The following RANBP2 variants were observed in gnomAD, a reference collection of about 807,000 sequenced individuals.
The protein encoded by RANBP2 is E3 SUMO-protein ligase RanBP2.
RANBP2 carries 57 observed loss-of-function variants against 303.6 expected under a neutral mutation model. The ratio of observed to expected loss-of-function variants is 0.19; its 90% confidence interval spans 0.15 to 0.23. RANBP2 has a LOEUF of 0.23. RANBP2 is among the 10% of genes least tolerant of loss of function. The pLI is 1.00. For synonymous variants in RANBP2, 1,167 were observed against 1,301.5 expected, an observed-to-expected ratio of 0.90 and a Z score of 2.23; for missense variants, 3,138 against 3,780.8, an observed-to-expected ratio of 0.83 and a Z score of 4.46.
At chr2:109,364,427 T>C in the RANBP2 span, among the ~76,000 whole-genome samples, 1 of 152,276 alleles carries the variant, frequency 6.6e-6, no homozygotes, top group South Asian at 2.1e-4. Context: ...AGTTGTTTTG[T>C]ATCCGTGATC....
Position 108,736,225 on chromosome 2 carries a change from A to T in RANBP2, c.758A>T (p.Gln253Leu). ...MLLTLSTRDV[Q>L]ESRELLQSFD... ...CTTACGCTTTCCACTAGAGATGTGC[A>T]GGAAAGTAGAGAATTACTGCAAAGG... is the stretch of plus-strand genomic sequence containing the variant. The change falls in exon 6 of 29, where the codon CAG (glutamine) becomes CTG (leucine). Residue 253 changes from glutamine to leucine, a missense_variant. By Grantham distance (113) the Gln-to-Leu change is moderately radical (BLOSUM62 -2). Coordinates refer to ENST00000283195, the MANE Select transcript of RANBP2 (RefSeq NM_006267.5). The T allele has an allele frequency of 6.2e-7, 1 of 1,611,998 alleles. No individual in the cohort carries two copies. The highest frequency in any genetic ancestry group is 8.5e-7 in the Non-Finnish European group (1 of 1,179,844).
chr2:109,348,084 C>A, the RANBP2 span: 1 of 1,236,102 alleles, frequency 8.1e-7, no homozygotes, highest in Non-Finnish European at 1.1e-6. Context: ...GAACCCTGGG[C>A]AAATGACCCA....
the RANBP2 span, chr2:108,907,928 C>G: frequency 5.0e-6 from 8 of 1,613,676 alleles, no homozygotes; most frequent in South Asian, 1.1e-5. Context: ...AGGCACAGCT[C>G]CGGGGAGCCC....
At chr2:109,193,364 T>C in the RANBP2 span, among the ~76,000 whole-genome samples, 174 of 152,360 alleles carry the variant, frequency 1.1e-3, no homozygotes, top group Middle Eastern at 3.4e-3. Context: ...ATATTCAACA[T>C]ATAATGTGTA....
chr2:109,403,495 G>A, the RANBP2 span, among the ~76,000 whole-genome samples: 19,219 of 152,248 alleles, frequency 0.13, 1,417 homozygotes, highest in East Asian at 0.29. Context: ...GCCTTCCAGG[G>A]CCCCACTCTT....
the RANBP2 span, among the ~76,000 whole-genome samples, chr2:109,755,320 A>G: frequency 1.5e-5 from 2 of 136,650 alleles, no homozygotes; most frequent in Non-Finnish European, 3.1e-5. Flanking sequence ...AGAGTAAGCA[A>G]TAATTATGAT....
At chr2:109,618,584 T>C in the RANBP2 span, 2 of 167,074 alleles carry the variant, frequency 1.2e-5, no homozygotes, top group African/African-American at 4.8e-5. Flanking sequence ...CATTTTCGGC[T>C]ACTTAACTTT....
chr2:109,660,278 T>C, the RANBP2 span, among the ~76,000 whole-genome samples: 1 of 152,168 alleles, frequency 6.6e-6, no homozygotes, highest in Non-Finnish European at 1.5e-5. Flanking sequence ...ATCAGGCTGA[T>C]TGTAGGCCAA....
chr2:109,020,556 C>T, the RANBP2 span, among the ~76,000 whole-genome samples: 1 of 152,146 alleles, frequency 6.6e-6, no homozygotes, highest in Non-Finnish European at 1.5e-5. Context: ...AGAGAGAATA[C>T]CACAAGCTGA....
At position 108,763,385 on chromosome 2, in the gene RANBP2, C is replaced by T. The variant is rs1676878657; in HGVS notation, c.2846C>T (p.Pro949Leu). Residue 949 changes from proline to leucine, a missense_variant, in exon 20 of 29, where the codon CCT becomes CTT. This residue lies in a region of RANBP2 where 403 missense variants were observed against 376.7 expected (regional missense o/e 1.07). Transcript: ENST00000283195. Reference protein sequence around the residue: ...YGPPALRFESPATGILSPRGD... With the variant: ...YGPPALRFESLATGILSPRGD... ...CCTCCTGCATTGCGTTTTGAGTCTC[C>T]TGCAACGGGAATTCTATCGCCCAGG... 7 of 1,613,928 alleles carry T rather than the reference C, an allele frequency of 4.3e-6. No individual in the cohort carries two copies. Among genetic ancestry groups the T allele is most frequent in the South Asian group, 1.1e-5 (1 of 91,074 alleles).
At chr2:108,894,364 C>G in the RANBP2 span, 1 of 152,546 alleles carries the variant, frequency 6.6e-6, no homozygotes, top group Admixed American at 6.6e-5. Flanking sequence ...ACAGTCTCAT[C>G]ATACATAGGG....
At chr2:109,313,623 T>C in the RANBP2 span, 1 of 154,898 alleles carries the variant, frequency 6.5e-6, no homozygotes, top group Non-Finnish European at 1.5e-5. Flanking sequence ...CGGCCAGCAG[T>C]GGGGCTCACT....
the RANBP2 span, among the ~76,000 whole-genome samples, chr2:109,231,260 TCTACAG>T: frequency 6.6e-6 from 1 of 152,250 alleles, no homozygotes; most frequent in Non-Finnish European, 1.5e-5. Flanking sequence ...TGCTCTTTCT[TCTACAG>T]CTGAGAGGAA....
At chr2:108,911,089 G>C in the RANBP2 span, 1 of 1,614,026 alleles carries the variant, frequency 6.2e-7, no homozygotes, top group South Asian at 1.1e-5. Context: ...GTGGAGAGAA[G>C]GCATGAATGA....
chr2:108,853,875 TA>T, the RANBP2 span, among the ~76,000 whole-genome samples: 1 of 125,286 alleles, frequency 8.0e-6, no homozygotes, highest in Non-Finnish European at 1.6e-5. Flanking sequence ...ATATATACTA[TA>T]TAATATATTA....
At chr2:109,423,119 G>A in the RANBP2 span, among the ~76,000 whole-genome samples, 8 of 152,174 alleles carry the variant, frequency 5.3e-5, no homozygotes, top group African/African-American at 2.4e-5. Flanking sequence ...TACCCTGTGA[G>A]GTGCATGACC....
At chr2:109,454,119 A>G in the RANBP2 span, among the ~76,000 whole-genome samples, 3 of 152,226 alleles carry the variant, frequency 2.0e-5, no homozygotes, top group African/African-American at 7.2e-5. Flanking sequence ...GTGAGATAAG[A>G]GAGAGAAGAA....
chr2:109,526,804 G>C, the RANBP2 span, among the ~76,000 whole-genome samples: 2 of 152,216 alleles, frequency 1.3e-5, no homozygotes, highest in East Asian at 3.9e-4. Flanking sequence ...CCTCAGCCTG[G>C]TGAATTCCTA....
chr2:109,661,781 C>T, the RANBP2 span, among the ~76,000 whole-genome samples: 72 of 152,314 alleles, frequency 4.7e-4, no homozygotes, highest in Non-Finnish European at 8.5e-4. Flanking sequence ...ACAGGTAAAC[C>T]TGTTCAAAGT....
Sources: gnomAD v4.1 joint callset for allele counts (sites outside exome capture counted in the v4.1 genomes callset) on GRCh38, gnomAD v4.1.1 for gene constraint, gnomAD v4.1.1 regional missense constraint, MANE v1.5 for transcripts, NCBI Gene and HGNC (gene_info 2026-07-23, HGNC 2026-07-21) for gene names.